CFAP20DC: variants seen among roughly 807,000 people sequenced by gnomAD.
CFAP20DC encodes protein CFAP20DC.
CFAP20DC carries 84 observed loss-of-function variants against 101.7 expected under a neutral mutation model. That is an observed-to-expected ratio of 0.83 (90% CI 0.69 to 0.99). The LOEUF is 0.99. Ranked by LOEUF, CFAP20DC falls within the 50% of genes least tolerant of loss-of-function variation. The probability of loss-of-function intolerance (pLI) is 0.00; values close to 1 mark genes in which losing one functional copy is unlikely to be tolerated. For missense variants in CFAP20DC, 1,007 were observed against 970.3 expected (o/e 1.04, Z -0.50); for synonymous variants, 359 against 351.2 (o/e 1.02, Z -0.25).
intron 12 of CFAP20DC, among the ~76,000 whole-genome samples, chr3:58,855,280 C>A (rs1301688598): frequency 6.6e-6 from 1 of 152,136 alleles, no homozygotes; most frequent in East Asian, 1.9e-4. Context: ...CTCAGAACCA[C>A]AATGAGATAC....
At chr3:58,937,509 G>A (rs1576393103) in intron 5 of CFAP20DC, 139 bp downstream of exon 5, 3 of 628,364 alleles carry the variant, frequency 4.8e-6, no homozygotes, top group African/African-American at 1.8e-5. Context: ...TTCAAGAGAG[G>A]GGAAGGAAGG....
intron 14 of CFAP20DC, among the ~76,000 whole-genome samples, chr3:58,819,331 CA>C (rs1399879553): frequency 6.6e-6 from 1 of 151,958 alleles, no homozygotes; most frequent in Admixed American, 6.6e-5. Context: ...AAAAACCCTT[CA>C]AAAAATCAAT....
chr3:58,785,273 C>A (rs1432090755), intron 15 of CFAP20DC, among the ~76,000 whole-genome samples: 1 of 152,080 alleles, frequency 6.6e-6, no homozygotes, highest in African/African-American at 2.4e-5. Flanking sequence ...ATACCGGAGG[C>A]TGGGAAGGCT....
intron 15 of CFAP20DC, among the ~76,000 whole-genome samples, chr3:58,777,238 T>G (rs2071415416): frequency 6.6e-6 from 1 of 152,208 alleles, no homozygotes; most frequent in Non-Finnish European, 1.5e-5. Context: ...ACCTATGACC[T>G]GGAAGCCCCC....
intron 12 of CFAP20DC, among the ~76,000 whole-genome samples, chr3:58,856,718 T>A (rs1238746441): frequency 6.6e-6 from 1 of 152,224 alleles, no homozygotes; most frequent in African/African-American, 2.4e-5. Context: ...GCTTAGTCTT[T>A]GTCTAGAGAA....
intron 2 of CFAP20DC, 111 bp downstream of exon 2, chr3:59,047,054 G>T: frequency 1.4e-6 from 1 of 690,526 alleles, no homozygotes; most frequent in Non-Finnish European, 2.4e-6. Flanking sequence ...AAAGGGTTTT[G>T]GAGTGAAAGA....
intron 3 of CFAP20DC, chr3:58,726,220 T>G (rs1239394541): frequency 1.3e-5 from 2 of 152,206 alleles, no homozygotes; most frequent in Non-Finnish European, 2.9e-5. Flanking sequence ...GAGAAAGAAC[T>G]ATATAGGGTA....
downstream of CFAP20DC, chr3:58,737,006 G>A (rs2107105211): frequency 6.7e-6 from 2 of 299,810 alleles, no homozygotes; most frequent in Middle Eastern, 9.2e-4. The surrounding 1 kb of genome is among the most constrained non-coding windows in gnomAD (Gnocchi z 4.1). Context: ...CAATATTCAT[G>A]ATGAATGAAC....
At chr3:58,813,443 A>T (rs2074838596) in intron 14 of CFAP20DC, among the ~76,000 whole-genome samples, 1 of 151,950 alleles carries the variant, frequency 6.6e-6, no homozygotes, top group African/African-American at 2.4e-5. Flanking sequence ...TTTGCTATAC[A>T]TGTTTAAATT....
chr3:59,041,763 T>A (rs971670178), intron 3 of CFAP20DC, among the ~76,000 whole-genome samples: 1 of 152,296 alleles, frequency 6.6e-6, no homozygotes, highest in Non-Finnish European at 1.5e-5. Flanking sequence ...TATCTGTTCA[T>A]CATGGGCTAT....
chr3:58,760,344 T>C (rs2069433154), intron 15 of CFAP20DC, among the ~76,000 whole-genome samples: 2 of 152,230 alleles, frequency 1.3e-5, no homozygotes, highest in Non-Finnish European at 2.9e-5. Flanking sequence ...TTGTCTGTTA[T>C]TGGTGTATAA....
At chr3:58,761,166 G>A (rs2069547111) in intron 15 of CFAP20DC, among the ~76,000 whole-genome samples, 1 of 152,248 alleles carries the variant, frequency 6.6e-6, no homozygotes, top group Non-Finnish European at 1.5e-5. Context: ...ATCTGGTTCT[G>A]GACTTTTTTT....
In CFAP20DC at chr3:58,809,377, T is replaced by C. The variant is rs532544767; in HGVS notation, c.2176-2921A>G. On this transcript the variant is annotated intron_variant, in intron 14 of 16. Transcript: ENST00000482387. ...CTCTCAGACCACAGTGCAATCAAAC[T>C]AGAACTCAGGATTAAGAAACTCACT... is the stretch of plus-strand genomic sequence containing the variant. 5.9e-5 allele frequency among the ~76,000 whole-genome samples: 9 copies of C among 152,192 alleles called. No homozygotes were observed. In the South Asian group the frequency reaches 1.9e-3, roughly 32 times the overall value.
chr3:58,779,138 G>A (rs543050486), intron 15 of CFAP20DC, among the ~76,000 whole-genome samples: 18 of 152,050 alleles, frequency 1.2e-4, no homozygotes, highest in Non-Finnish European at 2.5e-4. Flanking sequence ...AATTCATAAA[G>A]TCCTGGAAAC....
intron 6 of CFAP20DC, among the ~76,000 whole-genome samples, chr3:58,889,437 A>G (rs1342538438): frequency 6.6e-6 from 1 of 152,150 alleles, no homozygotes; most frequent in African/African-American, 2.4e-5. Context: ...GAGGAAGCTG[A>G]CCTAGCTCCA....
Position 58,732,470 on chromosome 3 carries a change from G to A in CFAP20DC, c.198-14842C>T, listed in dbSNP as rs1397807484. Among the ~76,000 whole-genome samples, 1 of 152,134 alleles carries A rather than the reference G, an allele frequency of 6.6e-6. No individual in the cohort carries two copies. The highest frequency in any genetic ancestry group is 1.5e-5 in the Non-Finnish European group (1 of 68,032). ...GGATGAATCAAGAGATGCTTTCACT[G>A]ACCTTTATCATTTCACGTGGATGAA... On this transcript the variant is annotated intron_variant, in intron 3 of 3. Transcript: ENST00000486145. The surrounding 1 kb of genome is among the most constrained non-coding windows in gnomAD (Gnocchi z 5.4).
intron 15 of CFAP20DC, among the ~76,000 whole-genome samples, chr3:58,775,350 A>T (rs143468258): frequency 2.6e-5 from 4 of 152,024 alleles, no homozygotes; most frequent in Admixed American, 6.5e-5. Flanking sequence ...GAATAGAATG[A>T]GAGGCAGGTG....
At chr3:58,786,307 G>A (rs552238688) in intron 15 of CFAP20DC, among the ~76,000 whole-genome samples, 1 of 152,176 alleles carries the variant, frequency 6.6e-6, no homozygotes, top group South Asian at 2.1e-4. Flanking sequence ...CACAAGAGTG[G>A]TATCAAAAAC....
rs1321814640 is a variant in CFAP20DC, at chr3:58,913,634, A to T, written c.550+74T>A. 1 of 1,462,942 alleles carries T rather than the reference A, an allele frequency of 6.8e-7. No individual in the cohort carries two copies. The highest frequency in any genetic ancestry group is 1.7e-5 in the Admixed American group (1 of 59,640). The allele number at this position is 1,462,942 out of a possible 1,614,324, so 90.6% of individuals were successfully genotyped here. A position where few individuals can be genotyped will look rare whatever the true frequency, so the allele number is the denominator to read the frequency against. On this transcript the variant is annotated intron_variant, in intron 6 of 16. Coordinates refer to ENST00000482387, the MANE Select transcript of CFAP20DC (RefSeq NM_001394063.1). The surrounding 1 kb of genome is among the most constrained non-coding windows in gnomAD (Gnocchi z 4.4). Reference sequence around the variant, plus strand: ...CATCAAACTGCTACCACACACTCATACTATCCCAAAGGTATGGCTAATTTT... The same window carrying T: ...CATCAAACTGCTACCACACACTCATTCTATCCCAAAGGTATGGCTAATTTT...
Sources: gnomAD v4.1 joint callset for allele counts (sites outside exome capture counted in the v4.1 genomes callset) on GRCh38, gnomAD v4.1.1 for gene constraint, Gnocchi (gnomAD v3.1) non-coding constraint, MANE v1.5 for transcripts, NCBI Gene and HGNC (gene_info 2026-07-23, HGNC 2026-07-21) for gene names.